PRKG1: variants seen among roughly 807,000 people sequenced by gnomAD.
PRKG1 encodes cGMP-dependent protein kinase 1.
PRKG1 carries 35 observed loss-of-function variants against 88.1 expected under a neutral mutation model. The ratio of observed to expected loss-of-function variants is 0.40; its 90% confidence interval spans 0.30 to 0.53. PRKG1 has a LOEUF of 0.53. Among genes scored for constraint, PRKG1 ranks in the 20% least tolerant of loss-of-function variants. The probability of loss-of-function intolerance (pLI) is 0.59; values close to 1 mark genes in which losing one functional copy is unlikely to be tolerated. For missense variants in PRKG1, 540 were observed against 839.8 expected (o/e 0.64, Z 4.41); for synonymous variants, 303 against 292.5 (o/e 1.04, Z -0.37).
chr10:51,630,268 T>A (rs1215306609), intron 3 of PRKG1, among the ~76,000 whole-genome samples: 1 of 152,156 alleles, frequency 6.6e-6, no homozygotes, highest in Non-Finnish European at 1.5e-5. Flanking sequence ...CAAACAGACA[T>A]GAGTTAAGGG....
intron 3 of PRKG1, among the ~76,000 whole-genome samples, chr10:51,485,995 G>A (rs976420743): frequency 1.3e-5 from 2 of 152,086 alleles, no homozygotes; most frequent in African/African-American, 2.4e-5. Context: ...AAAGATGTTC[G>A]TTACCGTCAT....
chr10:51,517,804 T>G lies in PRKG1; in HGVS notation c.592+49968T>G, dbSNP rs186825720. Among the ~76,000 whole-genome samples the G allele has an allele frequency of 2.6e-5, 4 of 152,324 alleles. No individual in the cohort carries two copies. In the East Asian group the frequency reaches 7.7e-4, roughly 29 times the overall value. On this transcript the variant is annotated intron_variant, in intron 3 of 17. Coordinates refer to ENST00000373980, the MANE Select transcript of PRKG1 (RefSeq NM_006258.4). ...TCTTCCTCCAGAGAGGATTTTCATT[T>G]TCATCCAGAAGGCTGTTAGAGAAAG...
chr10:51,117,362 C>G, intron 1 of PRKG1, among the ~76,000 whole-genome samples: 1 of 152,222 alleles, frequency 6.6e-6, no homozygotes. Flanking sequence ...AACCAGTTAT[C>G]TTGCTCCTCA....
intron 5 of PRKG1, among the ~76,000 whole-genome samples, chr10:51,956,291 G>A (rs1843300708): frequency 6.6e-6 from 1 of 151,608 alleles, no homozygotes; most frequent in Non-Finnish European, 1.5e-5. Flanking sequence ...AATTTTATTG[G>A]ACACAAGTTT....
At chr10:51,502,072 TA>T (rs1841043130) in intron 3 of PRKG1, among the ~76,000 whole-genome samples, 7 of 152,144 alleles carry the variant, frequency 4.6e-5, no homozygotes, top group Admixed American at 4.6e-4. Context: ...AAAAAATACT[TA>T]AAAACTTGAC....
intron 1 of PRKG1, among the ~76,000 whole-genome samples, chr10:51,015,178 T>C (rs899071896): frequency 1.3e-5 from 2 of 152,250 alleles, no homozygotes; most frequent in Non-Finnish European, 2.9e-5. Context: ...AGTTTCTAAG[T>C]CCAATAATGC....
intron 3 of PRKG1, among the ~76,000 whole-genome samples, chr10:51,765,001 A>G (rs147689907): frequency 6.6e-6 from 1 of 152,282 alleles, no homozygotes; most frequent in Non-Finnish European, 1.5e-5. Flanking sequence ...TCAGCCTCCT[A>G]AACTGTGAGA....
chr10:52,276,474 T>C (rs572971421), intron 12 of PRKG1, among the ~76,000 whole-genome samples: 2 of 152,270 alleles, frequency 1.3e-5, no homozygotes, highest in East Asian at 3.9e-4. Flanking sequence ...AAGAACTCAG[T>C]TTATGACAAG....
At chr10:52,202,939 A>T (rs565104220) in intron 9 of PRKG1, among the ~76,000 whole-genome samples, 2 of 151,902 alleles carry the variant, frequency 1.3e-5, no homozygotes, top group East Asian at 3.9e-4. Context: ...GTGGTCTATC[A>T]TTCTTATTTA....
At chr10:52,186,516 G>T (rs1839205878) in intron 9 of PRKG1, among the ~76,000 whole-genome samples, 1 of 151,896 alleles carries the variant, frequency 6.6e-6, no homozygotes, top group South Asian at 2.1e-4. Context: ...CCAACGCTGG[G>T]AATCACATTT....
intron 4 of PRKG1, among the ~76,000 whole-genome samples, chr10:51,890,094 TG>T (rs1841679890): frequency 6.6e-6 from 1 of 152,162 alleles, no homozygotes; most frequent in Admixed American, 6.5e-5. Context: ...TGGCTTTTGT[TG>T]TCATTGCTTT....
intron 9 of PRKG1, chr10:52,242,271 G>A (rs2132380711): frequency 6.6e-6 from 1 of 152,298 alleles, no homozygotes; most frequent in East Asian, 1.9e-4. Flanking sequence ...ACTCAGGACT[G>A]AGGTTCAGAG....
chr10:51,611,700 C>A (rs979654597), intron 3 of PRKG1, among the ~76,000 whole-genome samples: 1 of 147,458 alleles, frequency 6.8e-6, no homozygotes, highest in Non-Finnish European at 1.5e-5. Context: ...TTCATAAAAT[C>A]TTTGCTTGCC....
intron 3 of PRKG1, among the ~76,000 whole-genome samples, chr10:51,501,790 C>CTTTGTTTT (rs1841031867): frequency 8.8e-6 from 1 of 113,768 alleles, no homozygotes; most frequent in Non-Finnish European, 1.7e-5. Context: ...ACTTTAGTTT[C>CTTTGTTTT]TTTTTTTTTT....
intron 5 of PRKG1, among the ~76,000 whole-genome samples, chr10:52,048,995 C>T (rs1845926034): frequency 6.6e-6 from 1 of 152,048 alleles, no homozygotes; most frequent in South Asian, 2.1e-4. Context: ...GGAGGAGTCA[C>T]AGATAGCAAG....
chr10:52,128,829 G>A (rs557264777), intron 7 of PRKG1, among the ~76,000 whole-genome samples: 39 of 152,252 alleles, frequency 2.6e-4, no homozygotes, highest in African/African-American at 8.4e-4. Context: ...CTAGATAAGC[G>A]TGAGATTTTA....
intron 7 of PRKG1, among the ~76,000 whole-genome samples, chr10:52,112,834 C>A (rs151175863): frequency 6.6e-6 from 1 of 152,244 alleles, no homozygotes; most frequent in East Asian, 1.9e-4. Context: ...GTACAAAAAA[C>A]ATTCTTATGA....
chr10:51,270,902 A>G (rs1396499210), intron 2 of PRKG1, among the ~76,000 whole-genome samples: 1 of 152,222 alleles, frequency 6.6e-6, no homozygotes, highest in Non-Finnish European at 1.5e-5. Flanking sequence ...ATCCAATTCT[A>G]TCAAACATTA....
At chr10:51,672,233 T>A (rs1376254914) in intron 3 of PRKG1, among the ~76,000 whole-genome samples, 1 of 152,066 alleles carries the variant, frequency 6.6e-6, no homozygotes, top group Non-Finnish European at 1.5e-5. Flanking sequence ...CAATTTAATG[T>A]ATTTTAGACC....
Sources: gnomAD v4.1 joint callset for allele counts (sites outside exome capture counted in the v4.1 genomes callset) on GRCh38, gnomAD v4.1.1 for gene constraint, MANE v1.5 for transcripts, NCBI Gene and HGNC (gene_info 2026-07-23, HGNC 2026-07-21) for gene names.